Variants in RNF19B observed in about 807,000 individuals in gnomAD.
The protein encoded by RNF19B is E3 ubiquitin-protein ligase RNF19B.
In RNF19B, 23 loss-of-function variants were observed where a neutral mutation model predicts 65.5. That is an observed-to-expected ratio of 0.35 (90% CI 0.25 to 0.50). The LOEUF (loss-of-function observed/expected upper bound fraction) is 0.50, where lower values mean the gene tolerates loss of function less well. RNF19B is among the 20% of genes least tolerant of loss of function. The pLI is 0.98. For synonymous variants in RNF19B, 372 were observed against 379.6 expected, an observed-to-expected ratio of 0.98 and a Z score of 0.23; for missense variants, 794 against 980.0, an observed-to-expected ratio of 0.81 and a Z score of 2.53.
At chr1:32,962,270 G>T (rs964249740) in intron 1 of RNF19B, among the ~76,000 whole-genome samples, 1 of 152,150 alleles carries the variant, frequency 6.6e-6, no homozygotes, top group African/African-American at 2.4e-5. Flanking sequence ...AGCCTGGCCT[G>T]TGTTCTCTTA....
At chr1:32,939,377 G>A (rs907690268) in intron 7 of RNF19B, among the ~76,000 whole-genome samples, 1 of 152,040 alleles carries the variant, frequency 6.6e-6, no homozygotes, top group Non-Finnish European at 1.5e-5. Context: ...TAGTAGAGAT[G>A]GGGTTTTACC....
downstream of RNF19B, among the ~76,000 whole-genome samples, chr1:32,931,928 ATC>A (rs1464205055): frequency 6.6e-6 from 1 of 152,192 alleles, no homozygotes; most frequent in Non-Finnish European, 1.5e-5. Flanking sequence ...TGGTGACTAG[ATC>A]TACATTTCAT....
At chr1:32,947,293 CACATTTTGTTTATTTGTAAATATTAGCAA>C (rs1387889103) in intron 3 of RNF19B, among the ~76,000 whole-genome samples, 3 of 152,210 alleles carry the variant, frequency 2.0e-5, no homozygotes, top group African/African-American at 4.8e-5. Context: ...TAAATATTAA[CACATTTTGTTTATTTGTAAATATTAGCAA>C]ACATTTTGTT....
At chr1:32,951,670 A>ATACTTT (rs1421813065) in intron 1 of RNF19B, among the ~76,000 whole-genome samples, 2 of 152,212 alleles carry the variant, frequency 1.3e-5, no homozygotes, top group African/African-American at 4.8e-5. Flanking sequence ...TTATCTTTCC[A>ATACTTT]TACTTTTTCA....
In RNF19B at chr1:32,964,151, G is replaced by C; in HGVS notation, c.535C>G (p.Leu179Val). 2 of 1,544,442 alleles carry C rather than the reference G, an allele frequency of 1.3e-6. No individual in the cohort carries two copies. The highest frequency in any genetic ancestry group is 1.7e-6 in the Non-Finnish European group (2 of 1,144,532). Residue 179 changes from leucine (L) to valine (V), a missense_variant, in exon 1 of 9, where the codon CTC becomes GTC. Leu to Val is a conservative substitution (Grantham distance 32, BLOSUM62 1). Coordinates refer to ENST00000235150, the MANE Select transcript of RNF19B (RefSeq NM_001300826.2). This position sits in a 1 kb window ranked among gnomAD's most constrained non-coding sequence, Gnocchi z 6.5. ...TTGTGCATAAGCGGCGGGTCGGCGA[G>C]CAGCAAGCGGATGTCGTGCGGGTTG... is the stretch of plus-strand genomic sequence containing the variant. ...RLNPHDIRLL[L>V]ADPPLMHKYE...
intron 1 of RNF19B, among the ~76,000 whole-genome samples, chr1:32,963,748 C>A (rs973736362): frequency 1.3e-5 from 2 of 151,460 alleles, no homozygotes; most frequent in Non-Finnish European, 3.0e-5. Context: ...AAAAAAGATA[C>A]TGTCCTCACC....
intron 7 of RNF19B, among the ~76,000 whole-genome samples, chr1:32,939,750 A>G (rs984526311): frequency 1.3e-5 from 2 of 152,224 alleles, no homozygotes; most frequent in East Asian, 1.9e-4. Context: ...GTATTTCCTT[A>G]TAATGGGTTT....
intron 8 of RNF19B, 172 bp from the exon 9 acceptor site, chr1:32,937,431 G>C (rs1642132737): frequency 9.5e-7 from 1 of 1,051,056 alleles, no homozygotes; most frequent in Non-Finnish European, 1.4e-6. Flanking sequence ...TGAGATGGAG[G>C]CTGGACGTGG....
chr1:32,959,945 G>C (rs572414078), intron 1 of RNF19B, among the ~76,000 whole-genome samples: 2 of 151,674 alleles, frequency 1.3e-5, no homozygotes, highest in Non-Finnish European at 2.9e-5. Context: ...CAGCTACTCA[G>C]GAGGCTGAGG....
At chr1:32,956,979 C>A (rs978771148) in intron 1 of RNF19B, among the ~76,000 whole-genome samples, 3 of 152,188 alleles carry the variant, frequency 2.0e-5, no homozygotes, top group African/African-American at 7.2e-5. Flanking sequence ...CATCTCTAGG[C>A]TAGACAACTC....
At chr1:32,957,003 A>C (rs1247093352) in intron 1 of RNF19B, among the ~76,000 whole-genome samples, 1 of 152,178 alleles carries the variant, frequency 6.6e-6, no homozygotes, top group Admixed American at 6.6e-5. Flanking sequence ...GAGCCTCCTT[A>C]TCTGCTCTCC....
In RNF19B at chr1:32,964,775, G is replaced by GCCGCCA; in HGVS notation, c.-96_-91dup. 1 of 1,195,936 alleles carries GCCGCCA rather than the reference G, an allele frequency of 8.4e-7. No individual in the cohort carries two copies. Among genetic ancestry groups the GCCGCCA allele is most frequent in the South Asian group, 2.1e-5 (1 of 47,620 alleles). 74.1% of individuals were successfully genotyped at this position (1,195,936 alleles called of 1,614,324 possible). ...CAGCCAGCGCCCGGCCGCCGCCGAC[G>GCCGCCA]CCGCCACCACCGCCTCAACCGCCCT... is the stretch of plus-strand genomic sequence containing the variant. On this transcript the variant is annotated 5_prime_UTR_variant, in exon 1 of 9. Transcript: ENST00000235150. The surrounding 1 kb of genome is among the most constrained non-coding windows in gnomAD (Gnocchi z 6.5).
intron 3 of RNF19B, among the ~76,000 whole-genome samples, chr1:32,947,387 C>T (rs868184678): frequency 4.6e-5 from 7 of 152,300 alleles, no homozygotes; most frequent in Middle Eastern, 3.4e-3. Flanking sequence ...AGGCTGGGCG[C>T]GGTGGCTCGC....
chr1:32,945,558 G>C lies in RNF19B; in HGVS notation c.1217C>G (p.Thr406Ser), dbSNP rs778148778. The C allele has an allele frequency of 6.2e-7, 1 of 1,613,872 alleles. No homozygotes were observed. Among genetic ancestry groups the C allele is most frequent in the South Asian group, 1.1e-5 (1 of 91,072 alleles). ...KRNLAITGGV[T>S]LSVIASPVIA... Reference sequence around the variant, plus strand: ...AACTGGGGATGCAATGACCGACAAAGTCACTCCTCCAGTGATAGCCAAATT... The same window carrying C: ...AACTGGGGATGCAATGACCGACAAACTCACTCCTCCAGTGATAGCCAAATT... Residue 406 changes from threonine to serine, a missense_variant, in exon 5 of 9, where the codon ACT becomes AGT. Thr to Ser is a moderately conservative substitution (Grantham distance 58, BLOSUM62 1). This residue lies in a region of RNF19B where 368 missense variants were observed against 447.3 expected (regional missense o/e 0.82). Transcript: ENST00000235150.
chr1:32,941,311 G>A (rs1186693118), intron 7 of RNF19B, among the ~76,000 whole-genome samples: 3 of 152,134 alleles, frequency 2.0e-5, no homozygotes, highest in Non-Finnish European at 4.4e-5. Flanking sequence ...TTGGGAGGCT[G>A]AGGCGGGTGG....
intron 7 of RNF19B, 108 bp downstream of exon 7, chr1:32,942,144 A>T: frequency 1.1e-6 from 1 of 902,922 alleles, no homozygotes; most frequent in Non-Finnish European, 1.7e-6. Context: ...ATTGACAATT[A>T]AATCAAAATA....
Position 32,964,250 on chromosome 1 carries a change from G to A in RNF19B, c.436C>T (p.Leu146Phe), listed in dbSNP as rs1334558975. Residue 146 changes from leucine to phenylalanine, a missense_variant, in exon 1 of 9, where the codon CTC becomes TTC. Transcript: ENST00000235150. This position sits in a 1 kb window ranked among gnomAD's most constrained non-coding sequence, Gnocchi z 6.5. ...ATCTCCAGGCGCAGGTAGTGGCGGAGGCAGTCCCGGCACGAGCGGTGCGGA... is the reference window on the plus strand; with the variant it reads ...ATCTCCAGGCGCAGGTAGTGGCGGAAGCAGTCCCGGCACGAGCGGTGCGGA... ...SCPHRSCRDC[L>F]RHYLRLEISE... 1.7e-5 allele frequency: 27 copies of A among 1,543,546 alleles called. No individual in the cohort carries two copies. Among genetic ancestry groups the A allele is most frequent in the East Asian group, 5.0e-5 (2 of 39,934 alleles).
At chr1:32,939,141 A>G (rs556375954) in intron 7 of RNF19B, among the ~76,000 whole-genome samples, 2 of 152,286 alleles carry the variant, frequency 1.3e-5, no homozygotes, top group Admixed American at 6.5e-5. Flanking sequence ...TTATCCCAGC[A>G]AACCATTCAC....
rs1553146880 is a variant in RNF19B at position 32,964,024 on chromosome 1, C to CCACCCGCGCCACGCCCCCGCGCT, written c.635+4_635+26dup. 5.0e-6 allele frequency: 7 copies of CCACCCGCGCCACGCCCCCGCGCT among 1,412,972 alleles called. No individual in the cohort carries two copies. Among genetic ancestry groups the CCACCCGCGCCACGCCCCCGCGCT allele is most frequent in the Admixed American group, 7.0e-5 (2 of 28,638 alleles). 87.5% of individuals were successfully genotyped at this position (1,412,972 alleles called of 1,614,324 possible). A position where few individuals can be genotyped will look rare whatever the true frequency, so the allele number is the denominator to read the frequency against. On this transcript the variant is annotated intron_variant, in intron 1 of 8. Coordinates refer to ENST00000235150, the MANE Select transcript of RNF19B (RefSeq NM_001300826.2). This position sits in a 1 kb window ranked among gnomAD's most constrained non-coding sequence, Gnocchi z 6.5. Reference sequence around the variant, plus strand: ...CACGCCCCTCGGCTGCAGCCCGCCGCCACCCGCGCCACGCCCCCGCGCTCA... The same window carrying CCACCCGCGCCACGCCCCCGCGCT: ...CACGCCCCTCGGCTGCAGCCCGCCGCCACCCGCGCCACGCCCCCGCGCTCACCCGCGCCACGCCCCCGCGCTCA...
Sources: gnomAD v4.1 joint callset for allele counts (sites outside exome capture counted in the v4.1 genomes callset) on GRCh38, gnomAD v4.1.1 for gene constraint, gnomAD v4.1.1 regional missense constraint, Gnocchi (gnomAD v3.1) non-coding constraint, MANE v1.5 for transcripts, NCBI Gene and HGNC (gene_info 2026-07-23, HGNC 2026-07-21) for gene names.